ITSN2: variants seen among roughly 807,000 people sequenced by gnomAD.
ITSN2 encodes the protein intersectin-2.
Under a neutral mutation model 243.7 loss-of-function variants are expected in ITSN2, and 156 were observed. The observed-to-expected ratio is 0.64, with a 90% CI of 0.56 to 0.73. The LOEUF is 0.73. Ranked by LOEUF, ITSN2 falls within the 30% of genes least tolerant of loss-of-function variation. ITSN2 has a pLI of 0.00. For synonymous variants in ITSN2, 703 were observed against 699.9 expected, an observed-to-expected ratio of 1.00 and a Z score of -0.07; for missense variants, 1,801 against 1,996.1, an observed-to-expected ratio of 0.90 and a Z score of 1.86.
intron 2 of ITSN2, among the ~76,000 whole-genome samples, chr2:24,323,865 T>C (rs991040918): frequency 2.6e-5 from 4 of 152,318 alleles, no homozygotes; most frequent in Non-Finnish European, 5.9e-5. Flanking sequence ...TCTCAGGGAA[T>C]AGCCTGAAAC....
chr2:24,232,746 A>C (rs1443287500), intron 29 of ITSN2, among the ~76,000 whole-genome samples: 1 of 152,202 alleles, frequency 6.6e-6, no homozygotes, highest in Non-Finnish European at 1.5e-5. Context: ...TTACCAGATA[A>C]ATTAGAGCTA....
intron 1 of ITSN2, among the ~76,000 whole-genome samples, chr2:24,328,605 G>C (rs1685426663): frequency 6.6e-6 from 1 of 152,018 alleles, no homozygotes; most frequent in African/African-American, 2.4e-5. Context: ...TGGGACTACA[G>C]GAATGCTCCA....
chr2:24,347,124 A>G (rs1687609278), intron 1 of ITSN2, among the ~76,000 whole-genome samples: 1 of 152,072 alleles, frequency 6.6e-6, no homozygotes, highest in Non-Finnish European at 1.5e-5. Context: ...CAGCCTCCCA[A>G]AGTGCTAGGA....
At position 24,333,486 on chromosome 2, in the gene ITSN2, G is replaced by A. The variant is rs558696757; in HGVS notation, c.-33-5371C>T. On this transcript the variant is annotated intron_variant, in intron 1 of 39. Coordinates refer to ENST00000355123, the MANE Select transcript of ITSN2 (RefSeq NM_006277.3). ...AAACACCCCTTTCTACTCTTCACAGGGGATGAAATGTAGTGACAGGCAATT... is the reference window on the plus strand; with the variant it reads ...AAACACCCCTTTCTACTCTTCACAGAGGATGAAATGTAGTGACAGGCAATT... Among the ~76,000 whole-genome samples, 20 of 152,304 alleles carry A rather than the reference G, an allele frequency of 1.3e-4. No individual in the cohort carries two copies. The Middle Eastern group carries it at 0.01, about 78-fold the overall frequency.
At chr2:24,203,893 C>T in intron 39 of ITSN2, 110 bp from the exon 40 acceptor site, 2 of 1,177,188 alleles carry the variant, frequency 1.7e-6, no homozygotes, top group South Asian at 1.5e-5. Context: ...AAACAAGGAA[C>T]TTCTTTTGGC....
chr2:24,340,051 T>TA lies in ITSN2; in HGVS notation c.-33-11937dup, dbSNP rs1048344956. On this transcript the variant is annotated intron_variant, in intron 1 of 39. Transcript: ENST00000355123. ...ACAGTGTCTCTAAAATAAAATAATGTAAAAAAAAACAAGTAGAAGCCAAAG... is the reference window on the plus strand; with the variant it reads ...ACAGTGTCTCTAAAATAAAATAATGTAAAAAAAAAACAAGTAGAAGCCAAAG... 3.3e-4 allele frequency among the ~76,000 whole-genome samples: 50 copies of TA among 149,648 alleles called. No homozygotes were observed. The South Asian group carries it at 4.9e-3, about 15-fold the overall frequency.
Position 24,301,268 on chromosome 2 carries a change from T to C in ITSN2, c.996-29A>G, listed in dbSNP as rs1347871694. On this transcript the variant is annotated intron_variant, in intron 10 of 39. Coordinates refer to ENST00000355123, the MANE Select transcript of ITSN2 (RefSeq NM_006277.3). ...AAAAAATCAAACAACAAAGTTAGCA[T>C]CATGTAGTCTGGACATTTTCAGACT... is the stretch of plus-strand genomic sequence containing the variant. 7 of 1,400,876 alleles carry C rather than the reference T, an allele frequency of 5.0e-6. No individual in the cohort carries two copies. In the Admixed American group the frequency reaches 1.2e-4, roughly 24 times the overall value. The allele number at this position is 1,400,876 out of a possible 1,614,324, so 86.8% of individuals were successfully genotyped here.
chr2:24,249,645 C>T lies in ITSN2; in HGVS notation c.3121-763G>A, dbSNP rs1673851134. Among the ~76,000 whole-genome samples, 2 of 152,176 alleles carry T rather than the reference C, an allele frequency of 1.3e-5. No individual in the cohort carries two copies. Among genetic ancestry groups the T allele is most frequent in the Non-Finnish European group, 2.9e-5 (2 of 68,038 alleles). ...TCCATATATTCTGCTATTTAATTTT[C>T]ACAATAACACTATTAAGTAATTATG... On this transcript the variant is annotated intron_variant, in intron 25 of 39. Transcript: ENST00000355123. The surrounding 1 kb of genome is among the most constrained non-coding windows in gnomAD (Gnocchi z 4.4).
At chr2:24,307,052 C>T (rs958780892) in intron 8 of ITSN2, among the ~76,000 whole-genome samples, 1 of 152,158 alleles carries the variant, frequency 6.6e-6, no homozygotes, top group African/African-American at 2.4e-5. Context: ...GATCTGTCTG[C>T]CCCAGCCTCC....
intron 15 of ITSN2, among the ~76,000 whole-genome samples, chr2:24,291,473 A>G (rs534826750): frequency 1.4e-5 from 2 of 145,730 alleles, no homozygotes; most frequent in Non-Finnish European, 3.0e-5. Flanking sequence ...TTATAGCTGC[A>G]TATTTCTTCT....
intron 18 of ITSN2, among the ~76,000 whole-genome samples, chr2:24,273,998 A>G (rs1340559546): frequency 1.3e-5 from 2 of 152,188 alleles, no homozygotes; most frequent in Non-Finnish European, 2.9e-5. Flanking sequence ...TCTACTACCT[A>G]ATGTGCAAGG....
chr2:24,351,385 G>C (rs1375618842), intron 1 of ITSN2, among the ~76,000 whole-genome samples: 1 of 152,176 alleles, frequency 6.6e-6, no homozygotes, highest in Non-Finnish European at 1.5e-5. Flanking sequence ...TCTTTAATAA[G>C]CACAGGTTAG....
chr2:24,290,225 A>G (rs1291275050), intron 15 of ITSN2, among the ~76,000 whole-genome samples: 4 of 152,208 alleles, frequency 2.6e-5, no homozygotes, highest in African/African-American at 9.6e-5. Flanking sequence ...ATTGGATATT[A>G]TCAATCTTTT....
chr2:24,293,806 C>T (rs1574187048), intron 14 of ITSN2, 31 bp from the exon 15 acceptor site: 1 of 669,380 alleles, frequency 1.5e-6, no homozygotes, highest in Non-Finnish European at 2.6e-6. Flanking sequence ...TACCTGATTA[C>T]AATGTTATAA....
At chr2:24,360,798 T>A (rs1157384759), upstream of ITSN2, 1 of 152,594 alleles carries the variant, frequency 6.6e-6, no homozygotes, top group Admixed American at 6.5e-5. Flanking sequence ...TGGCTCCTCC[T>A]CCCCGAGGTA....
At chr2:24,330,820 G>A (rs1015743366) in intron 1 of ITSN2, 2 of 392,876 alleles carry the variant, frequency 5.1e-6, no homozygotes, top group Non-Finnish European at 9.6e-6. Flanking sequence ...AGGCTGGAGT[G>A]CAGTGGCGTG....
intron 17 of ITSN2, among the ~76,000 whole-genome samples, chr2:24,283,867 T>A (rs1490071012): frequency 3.3e-5 from 5 of 152,222 alleles, no homozygotes; most frequent in African/African-American, 1.2e-4. Context: ...TAGTTTAGTT[T>A]CTATGCAATC....
intron 29 of ITSN2, among the ~76,000 whole-genome samples, chr2:24,245,064 A>C (rs1184470400): frequency 1.3e-5 from 2 of 152,230 alleles, no homozygotes; most frequent in Non-Finnish European, 1.5e-5. Flanking sequence ...AAAACTAAAA[A>C]TTAAAAGAGT....
rs771914336 is a variant in ITSN2 at position 24,208,328 on chromosome 2, G to A, written c.4596-9C>T. The A allele has an allele frequency of 1.2e-6, 2 of 1,610,564 alleles. No homozygotes were observed. Among genetic ancestry groups the A allele is most frequent in the Non-Finnish European group, 8.5e-7 (1 of 1,178,888 alleles). On this transcript the variant is annotated splice_polypyrimidine_tract_variant and intron_variant, in intron 36 of 39. Coordinates refer to ENST00000355123, the MANE Select transcript of ITSN2 (RefSeq NM_006277.3). ...TCTGCACCCAGGCGGTCCTACGGGAGAAGCAGGGGCAGCCGTTGGCCGCAT... is the reference window on the plus strand; with the variant it reads ...TCTGCACCCAGGCGGTCCTACGGGAAAAGCAGGGGCAGCCGTTGGCCGCAT...
Sources: allele counts gnomAD v4.1 joint callset (sites outside exome capture counted in the v4.1 genomes callset), GRCh38; gene constraint gnomAD v4.1.1; non-coding constraint Gnocchi (gnomAD v3.1); transcripts MANE v1.5; gene names NCBI Gene and HGNC (gene_info 2026-07-23, HGNC 2026-07-21).